Variants in TRPM7 observed in about 807,000 individuals in gnomAD.
TRPM7 encodes transient receptor potential cation channel subfamily M member 7, also known as LTRPC ion channel family member 7.
Under a neutral mutation model 229.7 loss-of-function variants are expected in TRPM7, and 134 were observed. The observed-to-expected ratio is 0.58, with a 90% CI of 0.51 to 0.67. TRPM7 has a LOEUF of 0.67. TRPM7 is among the 30% of genes least tolerant of loss of function. TRPM7 has a pLI of 0.00. For missense variants in TRPM7, 1,901 were observed against 2,210.0 expected, an observed-to-expected ratio of 0.86 and a Z score of 2.80; for synonymous variants, 699 against 715.2, an observed-to-expected ratio of 0.98 and a Z score of 0.36.
chr15:50,614,664 C>CAA (rs59336476), intron 13 of TRPM7, among the ~76,000 whole-genome samples: 25 of 92,650 alleles, frequency 2.7e-4, no homozygotes, highest in Admixed American at 2.9e-4. Context: ...GACTTGGTCT[C>CAA]AAAAAAAAAA....
At chr15:50,681,789 G>A (rs1193625541) in intron 1 of TRPM7, among the ~76,000 whole-genome samples, 1 of 152,182 alleles carries the variant, frequency 6.6e-6, no homozygotes, top group East Asian at 1.9e-4. Context: ...ATAGTAAGAG[G>A]GGTAAACAGT....
chr15:50,664,235 G>C (rs2115671), intron 1 of TRPM7, among the ~76,000 whole-genome samples: 54,327 of 150,024 alleles, frequency 0.36, 10,684 homozygotes, highest in Admixed American at 0.48. Context: ...GAGTGAACCA[G>C]GGAGTCGGAG....
At chr15:50,614,379 C>A in intron 13 of TRPM7, 116 bp from the exon 14 acceptor site, 2 of 1,002,012 alleles carry the variant, frequency 2.0e-6, no homozygotes. Flanking sequence ...TTATAAGAAG[C>A]AAGGGCCAGG....
intron 36 of TRPM7, among the ~76,000 whole-genome samples, chr15:50,571,565 AGAAAAAAAAAGTG>A (rs2053887857): frequency 7.5e-6 from 1 of 133,944 alleles, no homozygotes; most frequent in African/African-American, 2.5e-5. Context: ...ATCGTTAGGC[AGAAAAAAAAAGTG>A]GAAAAAAAAA....
chr15:50,674,919 A>G (rs1163162192), intron 1 of TRPM7, among the ~76,000 whole-genome samples: 1 of 152,188 alleles, frequency 6.6e-6, no homozygotes, highest in Non-Finnish European at 1.5e-5. Flanking sequence ...GTTGTTTCTC[A>G]TTGGCAAATC....
chr15:50,564,975 A>G (rs973162327), intron 38 of TRPM7, among the ~76,000 whole-genome samples: 1 of 152,012 alleles, frequency 6.6e-6, no homozygotes, highest in Non-Finnish European at 1.5e-5. Context: ...TATTATCTAG[A>G]AAATGAAGGA....
Position 50,676,458 on chromosome 15 carries a change from C to T in TRPM7, c.3+10073G>A, listed in dbSNP as rs554414457. Among the ~76,000 whole-genome samples the T allele has an allele frequency of 3.4e-4, 51 of 152,228 alleles. 1 individual carries two copies. The highest frequency in any genetic ancestry group is 1.5e-3 in the South Asian group (7 of 4,820). On this transcript the variant is annotated intron_variant, in intron 1 of 38. Transcript: ENST00000646667. ...AAGAGGCTAGACACAGTGGCTCACA[C>T]CTGTAATCCTAGCACTTTGGGAGGC...
chr15:50,596,787 G>A (rs1188235317), intron 22 of TRPM7, among the ~76,000 whole-genome samples: 1 of 152,092 alleles, frequency 6.6e-6, no homozygotes, highest in Non-Finnish European at 1.5e-5. Flanking sequence ...GTCTTGCTCT[G>A]TCACCCAGGC....
At chr15:50,609,784 T>C in intron 18 of TRPM7, 22 bp downstream of exon 18, 1 of 1,601,502 alleles carries the variant, frequency 6.2e-7, no homozygotes, top group Non-Finnish European at 8.5e-7. Flanking sequence ...TTATATTTAC[T>C]TTAAAATGTT....
At chr15:50,682,513 T>C (rs369323719) in intron 1 of TRPM7, among the ~76,000 whole-genome samples, 3 of 150,776 alleles carry the variant, frequency 2.0e-5, no homozygotes, top group African/African-American at 7.3e-5. Flanking sequence ...GAGGCGGAGG[T>C]TGCAGTGAGC....
chr15:50,609,652 T>C lies in TRPM7; in HGVS notation c.2509A>G (p.Lys837Glu), dbSNP rs370494957. 6.8e-6 allele frequency: 11 copies of C among 1,612,602 alleles called. No individual in the cohort carries two copies. The highest frequency in any genetic ancestry group is 2.2e-5 in the East Asian group (1 of 44,790). The part of the protein sequence containing the change: ...KNEMEIQMKS[K>E]KLPITRKFYA... ...AACTTTCGCGTAATTGGAAGCTTTTTTGATTTCATTTGTATCTCCATCTCA... is the reference window on the plus strand; with the variant it reads ...AACTTTCGCGTAATTGGAAGCTTTTCTGATTTCATTTGTATCTCCATCTCA... Residue 837 changes from lysine to glutamate, a missense_variant, in exon 19 of 39, where the codon AAA becomes GAA. Lys to Glu is a moderately conservative substitution (Grantham distance 56, BLOSUM62 1). Coordinates refer to ENST00000646667, the MANE Select transcript of TRPM7 (RefSeq NM_017672.6).
intron 33 of TRPM7, 100 bp from the exon 34 acceptor site, chr15:50,575,235 G>C: frequency 1.0e-6 from 1 of 993,938 alleles, no homozygotes; most frequent in Non-Finnish European, 1.4e-6. Context: ...AGGAACAGAA[G>C]ATAAAATGGA....
chr15:50,618,367 G>C lies in TRPM7; in HGVS notation c.1494+1378C>G, dbSNP rs187791999. Among the ~76,000 whole-genome samples the C allele has an allele frequency of 3.1e-3, 472 of 151,976 alleles. 2 individuals are homozygous for C. Among genetic ancestry groups the C allele is most frequent in the African/African-American group, 0.011 (438 of 41,460 alleles). On this transcript the variant is annotated intron_variant, in intron 13 of 38. Coordinates refer to ENST00000646667, the MANE Select transcript of TRPM7 (RefSeq NM_017672.6). ...GGGCAGATCACGAGGTCAGGAGATC[G>C]AGACCATCCTGGCTAACATGGTGAA...
intron 1 of TRPM7, among the ~76,000 whole-genome samples, chr15:50,664,757 T>A (rs1323462946): frequency 6.6e-6 from 1 of 152,034 alleles, no homozygotes; most frequent in Non-Finnish European, 1.5e-5. Context: ...GTCTGTGAGT[T>A]CAAGACCAGC....
At chr15:50,596,718 C>T (rs1258135656) in intron 22 of TRPM7, among the ~76,000 whole-genome samples, 1 of 152,198 alleles carries the variant, frequency 6.6e-6, no homozygotes, top group Non-Finnish European at 1.5e-5. Flanking sequence ...CCTGGATCAA[C>T]CATATGATAA....
At chr15:50,618,341 A>C (rs1038753498) in intron 13 of TRPM7, among the ~76,000 whole-genome samples, 13 of 151,972 alleles carry the variant, frequency 8.6e-5, no homozygotes, top group Non-Finnish European at 1.8e-4. Context: ...GAGGCCAAGG[A>C]GGGCAGATCA....
chr15:50,628,567 G>A (rs576904593), intron 10 of TRPM7, among the ~76,000 whole-genome samples: 1 of 152,154 alleles, frequency 6.6e-6, no homozygotes, highest in African/African-American at 2.4e-5. Context: ...CGGCCTCCCA[G>A]TGTGCTAGGA....
chr15:50,581,357 G>C (rs1219621852), intron 29 of TRPM7, among the ~76,000 whole-genome samples: 1 of 151,972 alleles, frequency 6.6e-6, no homozygotes, highest in Non-Finnish European at 1.5e-5. Context: ...AAATTAGCTG[G>C]GCGTGGTGGC....
intron 15 of TRPM7, 30 bp from the exon 16 acceptor site, chr15:50,612,859 A>AT: frequency 6.3e-7 from 1 of 1,575,450 alleles, no homozygotes; most frequent in Non-Finnish European, 8.6e-7. Context: ...TATAAAGCTC[A>AT]TTATAATAAG....
Sources: allele counts gnomAD v4.1 joint callset (sites outside exome capture counted in the v4.1 genomes callset), GRCh38; gene constraint gnomAD v4.1.1; transcripts MANE v1.5; gene names NCBI Gene and HGNC (gene_info 2026-07-23, HGNC 2026-07-21).